Variants in TOR1B observed in about 807,000 individuals in gnomAD.
TOR1B encodes the protein torsin family 1 member B.
TOR1B carries 14 observed loss-of-function variants against 29.2 expected under a neutral mutation model. The ratio of observed to expected loss-of-function variants is 0.48; its 90% CI spans 0.32 to 0.75. TOR1B has a LOEUF of 0.75. Among genes scored for constraint, TOR1B ranks in the 30% least tolerant of loss-of-function variants. TOR1B has a pLI of 0.04. For missense variants in TOR1B, 400 were observed against 433.9 expected (o/e 0.92, Z 0.69); for synonymous variants, 166 against 179.8 (o/e 0.92, Z 0.62).
In TOR1B at chr9:129,810,311, C is replaced by G; in HGVS notation, c.*728C>G. 1 of 1,295,108 alleles carries G rather than the reference C, an allele frequency of 7.7e-7. No homozygotes were observed. Among genetic ancestry groups the G allele is most frequent in the Non-Finnish European group, 1.0e-6 (1 of 986,556 alleles). 80.2% of individuals were successfully genotyped at this position (1,295,108 alleles called of 1,614,324 possible). ...GACCGGAGGATGTGGCCGTGCCCGC[C>G]GAGCACTCTTGATCTGAGCTGACCT... On this transcript the variant is annotated 3_prime_UTR_variant, in exon 5 of 5. Transcript: ENST00000259339.
chr9:129,808,780 GACCTCAGGTGATCT>G, intron 3 of TOR1B, 111 bp from the exon 4 acceptor site: 1 of 1,204,558 alleles, frequency 8.3e-7, no homozygotes, highest in Non-Finnish European at 1.2e-6. Context: ...TTGAACTCCC[GACCTCAGGTGATCT>G]ACCTGCCTCG....
rs1251740873 is a variant in TOR1B at position 129,810,051 on chromosome 9, C to G, written c.*468C>G. ...TGAAAACAGCTGTGCATGGCAGGCC[C>G]GGCAATAGCTTCTGACCCACAGCAC... On this transcript the variant is annotated 3_prime_UTR_variant, in exon 5 of 5. Transcript: ENST00000259339. 5 of 1,231,028 alleles carry G rather than the reference C, an allele frequency of 4.1e-6. No homozygotes were observed. The Admixed American group carries it at 1.3e-4, about 33-fold the overall frequency. 76.3% of individuals were successfully genotyped at this position (1,231,028 alleles called of 1,614,324 possible).
chr9:129,804,055 C>G lies in TOR1B; in HGVS notation c.200-18C>G. On this transcript the variant is annotated intron_variant, in intron 1 of 4. Transcript: ENST00000259339. ...TTTAAGGTCTGTTTCTCTCTTTGTT[C>G]TGGGGCTGTTCTTGCAGCTCTCAAG... is the stretch of plus-strand genomic sequence containing the variant. 6.2e-7 allele frequency: 1 copy of G among 1,613,366 alleles called. No individual in the cohort carries two copies. The highest frequency in any genetic ancestry group is 8.5e-7 in the Non-Finnish European group (1 of 1,179,532).
At position 129,805,168 on chromosome 9, in the gene TOR1B, C is replaced by G. The variant is rs377626619; in HGVS notation, c.465+830C>G. On this transcript the variant is annotated intron_variant, in intron 2 of 4. Coordinates refer to ENST00000259339, the MANE Select transcript of TOR1B (RefSeq NM_014506.3). The stretch of plus-strand genomic sequence containing the variant: ...AAAAAAAAAAAAAGAGAGATGTAGT[C>G]AGGGCCAGGTGCAGTGGCTCACGCC... Among the ~76,000 whole-genome samples the G allele has an allele frequency of 5.0e-5, 7 of 138,730 alleles. No individual in the cohort carries two copies. The East Asian group carries it at 1.3e-3, about 26-fold the overall frequency. 91.0% of individuals were successfully genotyped at this position (138,730 alleles called of 152,430 possible). A position where few individuals can be genotyped will look rare whatever the true frequency, so the allele number is the denominator to read the frequency against.
At chr9:129,803,987 C>T (rs1209736330) in intron 1 of TOR1B, 86 bp from the exon 2 acceptor site, 4 of 1,562,608 alleles carry the variant, frequency 2.6e-6, no homozygotes, top group Non-Finnish European at 3.5e-6. Flanking sequence ...ATCTGTGCTT[C>T]TTGCTTTGGC....
rs577521526 is a variant in TOR1B at position 129,810,267 on chromosome 9, G to A, written c.*684G>A. ...AGTATACTCAGTTAAAATCGGGGCT[G>A]GAGGTGCAGACGGTGTCTGACCGGA... On this transcript the variant is annotated 3_prime_UTR_variant, in exon 5 of 5. Transcript: ENST00000259339. The A allele has an allele frequency of 1.6e-5, 21 of 1,304,030 alleles. No homozygotes were observed. The South Asian group carries it at 2.5e-4, about 15-fold the overall frequency. The allele number at this position is 1,304,030 out of a possible 1,614,324, so 80.8% of individuals were successfully genotyped here.
Position 129,807,216 on chromosome 9 carries a change from A to C in TOR1B, c.494A>C (p.Asn165Thr). 6 of 1,614,124 alleles carry C rather than the reference A, an allele frequency of 3.7e-6. No individual in the cohort carries two copies. Among genetic ancestry groups the C allele is most frequent in the Non-Finnish European group, 5.1e-6 (6 of 1,180,032 alleles). Reference sequence around the variant, plus strand: ...CAGTTACAGAAGTGGATCCGCGGTAATGTGAGTGCATGTGCGAACTCTGTT... The same window carrying C: ...CAGTTACAGAAGTGGATCCGCGGTACTGTGAGTGCATGTGCGAACTCTGTT... ...QDQLQKWIRGNVSACANSVFI... is the reference protein window; with the variant it reads ...QDQLQKWIRGTVSACANSVFI... Residue 165 changes from asparagine to threonine, a missense_variant, in exon 3 of 5, where the codon AAT (asparagine) becomes ACT (threonine). By Grantham distance (65) the Asn-to-Thr change is moderately conservative (BLOSUM62 0). Transcript: ENST00000259339.
rs2030789501 is a variant in TOR1B at position 129,810,359 on chromosome 9, G to A, written c.*776G>A. 2.0e-6 allele frequency: 2 copies of A among 998,404 alleles called. No individual in the cohort carries two copies. The highest frequency in any genetic ancestry group is 2.5e-5 in the Admixed American group (1 of 39,626). 61.8% of individuals were successfully genotyped at this position (998,404 alleles called of 1,614,324 possible). On this transcript the variant is annotated 3_prime_UTR_variant, in exon 5 of 5. Coordinates refer to ENST00000259339, the MANE Select transcript of TOR1B (RefSeq NM_014506.3). The stretch of plus-strand genomic sequence containing the variant: ...CCTGTGTGTGTGTGTGTGGGGGGGT[G>A]GGGCCTTCACCTAAGACCTCTGCAG...
chr9:129,806,894 A>C (rs2030513682), intron 2 of TOR1B, among the ~76,000 whole-genome samples: 1 of 152,020 alleles, frequency 6.6e-6, no homozygotes, highest in African/African-American at 2.4e-5. Flanking sequence ...CCAAAGACAA[A>C]AAAGAGAAGA....
rs1207447641 is a variant in TOR1B at position 129,810,159 on chromosome 9, C to G, written c.*576C>G. On this transcript the variant is annotated 3_prime_UTR_variant, in exon 5 of 5. Transcript: ENST00000259339. Reference sequence around the variant, plus strand: ...GGGGGCACTGGGTGGTTCTCACCAGCAGGCTGCGGGGCACTGTGTTCTCAT... The same window carrying G: ...GGGGGCACTGGGTGGTTCTCACCAGGAGGCTGCGGGGCACTGTGTTCTCAT... 6.1e-6 allele frequency: 8 copies of G among 1,303,776 alleles called. No homozygotes were observed. The African/African-American group carries it at 1.1e-4, about 17-fold the overall frequency. The allele number at this position is 1,303,776 out of a possible 1,614,324, so 80.8% of individuals were successfully genotyped here. A position where few individuals can be genotyped will look rare whatever the true frequency, so the allele number is the denominator to read the frequency against.
chr9:129,805,930 T>G (rs1402202532), intron 2 of TOR1B, among the ~76,000 whole-genome samples: 1 of 152,094 alleles, frequency 6.6e-6, no homozygotes, highest in East Asian at 1.9e-4. Flanking sequence ...ACATTCCCAC[T>G]GGCAACATAG....
intron 2 of TOR1B, among the ~76,000 whole-genome samples, chr9:129,805,979 G>A (rs2030455022): frequency 1.3e-5 from 2 of 152,232 alleles, no homozygotes; most frequent in South Asian, 4.2e-4. Context: ...AAATTAGCCA[G>A]GTGTAGTGGC....
chr9:129,803,442 G>C, intron 1 of TOR1B, 31 bp downstream of exon 1: 1 of 1,369,524 alleles, frequency 7.3e-7, no homozygotes, highest in Non-Finnish European at 9.4e-7. Flanking sequence ...GTGGGTCGGC[G>C]CTGCGGGGGG....
intron 1 of TOR1B, 128 bp downstream of exon 1, chr9:129,803,539 C>G: frequency 1.9e-6 from 2 of 1,040,036 alleles, no homozygotes; most frequent in Non-Finnish European, 2.4e-6. Context: ...GTGGTCCCAG[C>G]TGGGGTGGGC....
Position 129,810,302 on chromosome 9 carries a change from C to A in TOR1B, c.*719C>A. On this transcript the variant is annotated 3_prime_UTR_variant, in exon 5 of 5. Transcript: ENST00000259339. ...ACGGTGTCTGACCGGAGGATGTGGCCGTGCCCGCCGAGCACTCTTGATCTG... is the reference window on the plus strand; with the variant it reads ...ACGGTGTCTGACCGGAGGATGTGGCAGTGCCCGCCGAGCACTCTTGATCTG... 1.5e-6 allele frequency: 2 copies of A among 1,299,240 alleles called. No individual in the cohort carries two copies. The highest frequency in any genetic ancestry group is 2.0e-6 in the Non-Finnish European group (2 of 988,030). The allele number at this position is 1,299,240 out of a possible 1,614,324, so 80.5% of individuals were successfully genotyped here.
chr9:129,807,483 C>G, intron 3 of TOR1B, 120 bp downstream of exon 3: 1 of 1,143,428 alleles, frequency 8.7e-7, no homozygotes, highest in Admixed American at 2.2e-5. Context: ...TGGCACAAGG[C>G]ACTTACCTAC....
rs1435654513 is a variant in TOR1B, at chr9:129,808,901, T to A, written c.642-4T>A. ...TTTAATCTTTATTTCTCTGGCAAAC[T>A]CAGCAATGCAGGCGGGGACCTTATA... is the stretch of plus-strand genomic sequence containing the variant. On this transcript the variant is annotated splice_region_variant and splice_polypyrimidine_tract_variant and intron_variant, in intron 3 of 4. Transcript: ENST00000259339. 1 of 1,612,396 alleles carries A rather than the reference T, an allele frequency of 6.2e-7. No individual in the cohort carries two copies. Among genetic ancestry groups the A allele is most frequent in the Admixed American group, 1.7e-5 (1 of 59,252 alleles).
intron 3 of TOR1B, among the ~76,000 whole-genome samples, chr9:129,807,770 C>T (rs955042659): frequency 2.6e-5 from 4 of 151,218 alleles, no homozygotes; most frequent in African/African-American, 7.3e-5. Context: ...GGCGTGAACC[C>T]GGGAGGCGGA....
intron 3 of TOR1B, among the ~76,000 whole-genome samples, chr9:129,808,219 C>T (rs930120776): frequency 2.0e-5 from 3 of 152,046 alleles, no homozygotes; most frequent in South Asian, 2.1e-4. Flanking sequence ...GATCTTCGGC[C>T]GGGTGTGGTG....
Sources: allele counts gnomAD v4.1 joint callset (sites outside exome capture counted in the v4.1 genomes callset), GRCh38; gene constraint gnomAD v4.1.1; transcripts MANE v1.5; gene names NCBI Gene and HGNC (gene_info 2026-07-23, HGNC 2026-07-21).